The following KCNK2 variants were observed in gnomAD, a reference collection of about 807,000 sequenced individuals.
KCNK2 encodes potassium two pore domain channel subfamily K member 2.
In KCNK2, 21 loss-of-function variants were observed where a neutral mutation model predicts 40.5. The ratio of observed to expected loss-of-function variants is 0.52; its 90% CI spans 0.37 to 0.75. The LOEUF (loss-of-function observed/expected upper bound fraction) is 0.75. Among genes scored for constraint, KCNK2 ranks in the 30% least tolerant of loss-of-function variants. KCNK2 has a pLI of 0.00. For missense variants in KCNK2, 399 were observed against 531.6 expected (o/e 0.75, Z 2.45); for synonymous variants, 191 against 202.2 (o/e 0.94, Z 0.47).
intron 2 of KCNK2, among the ~76,000 whole-genome samples, chr1:215,099,712 G>C (rs1660130267): frequency 6.6e-6 from 1 of 151,756 alleles, no homozygotes; most frequent in Non-Finnish European, 1.5e-5. Context: ...CACATTTTAA[G>C]GAAAAAAGTC....
intron 1 of KCNK2, among the ~76,000 whole-genome samples, chr1:215,036,771 A>T (rs550134166): frequency 6.6e-6 from 1 of 151,806 alleles, no homozygotes; most frequent in Non-Finnish European, 1.5e-5. Flanking sequence ...GGTATTTCAT[A>T]TATTTTGATG....
At chr1:215,039,209 G>T (rs536604698) in intron 1 of KCNK2, among the ~76,000 whole-genome samples, 22 of 151,984 alleles carry the variant, frequency 1.4e-4, no homozygotes, top group Non-Finnish European at 3.1e-4. Context: ...AGTGCCATTT[G>T]GTGTCCTGAT....
At chr1:215,060,524 A>G (rs567104160) in intron 1 of KCNK2, among the ~76,000 whole-genome samples, 15 of 152,350 alleles carry the variant, frequency 9.8e-5, no homozygotes, top group African/African-American at 3.6e-4. Context: ...GCTCAAAAAT[A>G]TACTTTAAAA....
At chr1:215,018,982 AAC>A (rs201570856) in intron 1 of KCNK2, among the ~76,000 whole-genome samples, 29 of 124,732 alleles carry the variant, frequency 2.3e-4, no homozygotes, top group African/African-American at 8.0e-4. Context: ...ATTCTCTCTC[AAC>A]ACACACACAC....
At chr1:215,060,786 C>T (rs1045828657) in intron 1 of KCNK2, among the ~76,000 whole-genome samples, 2 of 151,954 alleles carry the variant, frequency 1.3e-5, no homozygotes, top group African/African-American at 4.8e-5. Context: ...ATAATATTAG[C>T]ACAGAATCTG....
At position 215,029,603 on chromosome 1, in the gene KCNK2, T is replaced by C. The variant is rs1571857566; in HGVS notation, c.34+23648T>C. Among the ~76,000 whole-genome samples the C allele has an allele frequency of 4.1e-5, 6 of 147,074 alleles. No individual in the cohort carries two copies. The South Asian group carries it at 1.3e-3, about 31-fold the overall frequency. ...AAATATAAATATTTGATATATTTAA[T>C]ATATTAATATATATTTAATATATGA... On this transcript the variant is annotated intron_variant, in intron 1 of 6. Coordinates refer to the KCNK2 transcript ENST00000391895.
At chr1:215,039,540 G>T (rs536008321) in intron 1 of KCNK2, among the ~76,000 whole-genome samples, 1 of 152,250 alleles carries the variant, frequency 6.6e-6, no homozygotes, top group African/African-American at 2.4e-5. Context: ...AAGCTATTTT[G>T]TAATTTGATA....
chr1:215,149,697 C>A (rs74140935), intron 3 of KCNK2, among the ~76,000 whole-genome samples: 14,517 of 152,170 alleles, frequency 0.095, 2,266 homozygotes, highest in African/African-American at 0.33. Context: ...GTACGAAGTG[C>A]AGATAAAACT....
chr1:215,081,195 G>A (rs1296443693), upstream of KCNK2, among the ~76,000 whole-genome samples: 3 of 138,254 alleles, frequency 2.2e-5, no homozygotes, highest in Admixed American at 1.5e-4. Flanking sequence ...GTGTGTGTGT[G>A]TACATATGTT....
intron 5 of KCNK2, among the ~76,000 whole-genome samples, chr1:215,175,920 T>C (rs1433748589): frequency 6.6e-6 from 1 of 152,166 alleles, no homozygotes; most frequent in Non-Finnish European, 1.5e-5. Flanking sequence ...CTTGGATTGA[T>C]TCCATGCCTT....
intron 3 of KCNK2, among the ~76,000 whole-genome samples, chr1:215,141,651 G>T (rs1041154072): frequency 2.0e-5 from 3 of 151,986 alleles, no homozygotes; most frequent in Non-Finnish European, 4.4e-5. Context: ...AAGCTAATTT[G>T]GCTGGGTATA....
At chr1:215,125,539 G>A (rs1426347216) in intron 3 of KCNK2, among the ~76,000 whole-genome samples, 1 of 151,858 alleles carries the variant, frequency 6.6e-6, no homozygotes. Context: ...GTTTGTGAAT[G>A]AGAACACTTG....
At chr1:215,062,195 C>T (rs1175835372) in intron 1 of KCNK2, among the ~76,000 whole-genome samples, 1 of 152,054 alleles carries the variant, frequency 6.6e-6, no homozygotes, top group Non-Finnish European at 1.5e-5. Context: ...GAAAATTGCT[C>T]TCTGGGAATA....
At chr1:215,177,233 C>T (rs902582874) in intron 5 of KCNK2, among the ~76,000 whole-genome samples, 2 of 151,782 alleles carry the variant, frequency 1.3e-5, no homozygotes, top group African/African-American at 4.8e-5. Flanking sequence ...TGTTTAAATT[C>T]CTTTAAGATT....
chr1:215,020,575 G>A (rs538762522), intron 1 of KCNK2, among the ~76,000 whole-genome samples: 1 of 152,132 alleles, frequency 6.6e-6, no homozygotes, highest in Non-Finnish European at 1.5e-5. Context: ...ACTGATATGC[G>A]CCACCATGCC....
Position 215,171,301 on chromosome 1 carries a change from TG to T in KCNK2, c.637-694del, listed in dbSNP as rs752549394. ...AAAATGGGTATTCTGATGACAGCTA[TG>T]GCCTAGGGATATTGAAGACTTATCC... On this transcript the variant is annotated intron_variant, in intron 4 of 6. Transcript: ENST00000444842. Among the ~76,000 whole-genome samples, 4 of 152,210 alleles carry T rather than the reference TG, an allele frequency of 2.6e-5. No individual in the cohort carries two copies. The East Asian group carries it at 7.7e-4, about 29-fold the overall frequency.
chr1:215,095,125 A>C (rs1230162949), intron 2 of KCNK2, among the ~76,000 whole-genome samples: 1 of 152,150 alleles, frequency 6.6e-6, no homozygotes, highest in Non-Finnish European at 1.5e-5. Context: ...ACATATTTGT[A>C]TATCATTTTA....
intron 3 of KCNK2, among the ~76,000 whole-genome samples, chr1:215,159,051 G>A (rs879037971): frequency 6.6e-6 from 1 of 152,074 alleles, no homozygotes; most frequent in African/African-American, 2.4e-5. Flanking sequence ...TTAAACTTTG[G>A]GATGGCCTTT....
chr1:215,183,166 A>G (rs1044248314), intron 5 of KCNK2, among the ~76,000 whole-genome samples: 20 of 152,146 alleles, frequency 1.3e-4, no homozygotes, highest in Non-Finnish European at 2.2e-4. Context: ...GCACACTAAA[A>G]GCCATTAATC....
Sources: allele counts gnomAD v4.1 joint callset (sites outside exome capture counted in the v4.1 genomes callset), GRCh38; gene constraint gnomAD v4.1.1; transcripts MANE v1.5; gene names NCBI Gene and HGNC (gene_info 2026-07-23, HGNC 2026-07-21).